Variants in TGFBR3 observed in about 807,000 individuals in gnomAD.
TGFBR3 encodes the protein transforming growth factor beta receptor 3, also known as transforming growth factor beta receptor type 3.
Under a neutral mutation model 87.9 loss-of-function variants are expected in TGFBR3, and 46 were observed. The observed-to-expected ratio is 0.52, with a 90% CI of 0.41 to 0.67. The LOEUF (loss-of-function observed/expected upper bound fraction) is 0.67. Among genes scored for constraint, TGFBR3 ranks in the 30% least tolerant of loss-of-function variants. The probability of loss-of-function intolerance (pLI) is 0.00; values close to 1 mark genes in which losing one functional copy is unlikely to be tolerated. For synonymous variants in TGFBR3, 381 were observed against 391.6 expected (o/e 0.97, Z 0.32); for missense variants, 866 against 1,041.9 (o/e 0.83, Z 2.32).
chr1:91,817,370 A>G (rs1676271276), intron 2 of TGFBR3, among the ~76,000 whole-genome samples: 1 of 152,236 alleles, frequency 6.6e-6, no homozygotes, highest in African/African-American at 2.4e-5. Flanking sequence ...CCCTCTTCAC[A>G]CCAAGATCAG....
intron 3 of TGFBR3, among the ~76,000 whole-genome samples, chr1:91,763,533 C>G (rs1185616935): frequency 1.3e-5 from 2 of 152,204 alleles, no homozygotes; most frequent in African/African-American, 4.8e-5. Context: ...GTGCCTACAA[C>G]CAAGACCCAT....
intron 3 of TGFBR3, among the ~76,000 whole-genome samples, chr1:91,768,086 C>T (rs2100923801): frequency 6.6e-6 from 1 of 152,130 alleles, no homozygotes; most frequent in South Asian, 2.1e-4. Context: ...GTGGCGCATG[C>T]CTGTAATTCC....
chr1:91,719,524 T>C (rs1672287793), intron 9 of TGFBR3, 60 bp from the exon 10 acceptor site: 1 of 1,600,308 alleles, frequency 6.2e-7, no homozygotes, highest in Non-Finnish European at 8.6e-7. Context: ...GTTGTATAAT[T>C]GACACAATTG....
At position 91,898,459 on chromosome 1, in the gene TGFBR3, T is replaced by C. The variant is rs994768914; in HGVS notation, c.-114+1178A>G. 3.3e-5 allele frequency among the ~76,000 whole-genome samples: 5 copies of C among 151,908 alleles called. No individual in the cohort carries two copies. The East Asian group carries it at 5.8e-4, about 18-fold the overall frequency. ...TTTGGTTTTTCTGTTTTTTTTGAGA[T>C]GGAGTCTCGCTCTGTCACCGAGGCT... On this transcript the variant is annotated intron_variant, in intron 2 of 17. Coordinates refer to the TGFBR3 transcript ENST00000370399.
intron 2 of TGFBR3, among the ~76,000 whole-genome samples, chr1:91,813,105 CTT>C (rs1676084294): frequency 6.6e-6 from 1 of 152,152 alleles, no homozygotes; most frequent in Non-Finnish European, 1.5e-5. Flanking sequence ...CCTATATGGA[CTT>C]TTGATGGCTA....
intron 2 of TGFBR3, chr1:91,829,745 G>GT (rs376004929): frequency 2.2e-3 from 337 of 151,586 alleles, no homozygotes; most frequent in Non-Finnish European, 3.4e-3. Flanking sequence ...CAGACAAGGG[G>GT]TTTTTTTTTG....
At chr1:91,817,818 C>T (rs905273937) in intron 2 of TGFBR3, among the ~76,000 whole-genome samples, 2 of 150,136 alleles carry the variant, frequency 1.3e-5, no homozygotes, top group Non-Finnish European at 2.9e-5. Flanking sequence ...GGCAAATAAA[C>T]CAAGAACTGG....
At position 91,734,966 on chromosome 1, in the gene TGFBR3, G is replaced by C. The variant is rs1571455907; in HGVS notation, c.385-7C>G. ...CCACAGAACCCTCAGACACCTAGAG[G>C]AAAGAGAATTGCGTATTTAACATGG... On this transcript the variant is annotated splice_region_variant and splice_polypyrimidine_tract_variant and intron_variant, in intron 4 of 16. Transcript: ENST00000212355. 1.2e-6 allele frequency: 2 copies of C among 1,613,988 alleles called. No homozygotes were observed. Among genetic ancestry groups the C allele is most frequent in the Non-Finnish European group, 8.5e-7 (1 of 1,179,896 alleles).
intron 16 of TGFBR3, among the ~76,000 whole-genome samples, chr1:91,685,340 T>G (rs34103893): frequency 7.2e-6 from 1 of 138,892 alleles, no homozygotes; most frequent in Admixed American, 7.2e-5. Flanking sequence ...TTTTTTTTTG[T>G]GAGACGGAGT....
intron 3 of TGFBR3, among the ~76,000 whole-genome samples, chr1:91,796,786 G>A (rs1675398112): frequency 6.6e-6 from 1 of 152,028 alleles, no homozygotes. Flanking sequence ...TGGCAATCAC[G>A]GCTCACTCCA....
chr1:91,752,321 T>C (rs1017806206), intron 4 of TGFBR3, among the ~76,000 whole-genome samples: 3 of 152,226 alleles, frequency 2.0e-5, no homozygotes, highest in Non-Finnish European at 2.9e-5. Flanking sequence ...TATTTTTATA[T>C]GCCAGCTCCA....
chr1:91,822,624 C>T (rs2450929), intron 2 of TGFBR3, among the ~76,000 whole-genome samples: 151,277 of 152,240 alleles, frequency 0.99, 75,163 homozygotes, highest in Middle Eastern at 1. Context: ...GGCCATAAAC[C>T]CCCTTACAAA....
chr1:91,851,755 C>T (rs2799524), intron 2 of TGFBR3, among the ~76,000 whole-genome samples: 22,058 of 152,166 alleles, frequency 0.14, 2,143 homozygotes, highest in East Asian at 0.39. Flanking sequence ...CCTAAAATAA[C>T]CCAAATCAAT....
Position 91,846,849 on chromosome 1 carries a change from G to C in TGFBR3, c.61+14622C>G, listed in dbSNP as rs527455676. Among the ~76,000 whole-genome samples, 58 of 152,142 alleles carry C rather than the reference G, an allele frequency of 3.8e-4. 1 individual carries two copies. Among genetic ancestry groups the C allele is most frequent in the African/African-American group, 1.4e-3 (57 of 41,484 alleles). On this transcript the variant is annotated intron_variant, in intron 2 of 16. Coordinates refer to ENST00000212355, the MANE Select transcript of TGFBR3 (RefSeq NM_003243.5). ...AAATCTATTTTTTTCACTATCTAAT[G>C]TCACACAGAATTCCAGACTGCTCCA...
chr1:91,802,357 TTTTTTC>T (rs1220379664), intron 2 of TGFBR3, among the ~76,000 whole-genome samples: 3 of 151,994 alleles, frequency 2.0e-5, no homozygotes, highest in Admixed American at 2.0e-4. Context: ...ATTTCTCCTT[TTTTTTC>T]TTTTTCTTTT....
chr1:91,791,284 T>C lies in TGFBR3; in HGVS notation c.246+6003A>G, dbSNP rs144946085. The stretch of plus-strand genomic sequence containing the variant: ...AAGGCCTGGGGGTGGGGGGAATGTT[T>C]AACTATGAAAACAGACAAGAACATA... On this transcript the variant is annotated intron_variant, in intron 3 of 16. Coordinates refer to ENST00000212355, the MANE Select transcript of TGFBR3 (RefSeq NM_003243.5). Among the ~76,000 whole-genome samples the C allele has an allele frequency of 3.3e-5, 5 of 152,260 alleles. No homozygotes were observed. The East Asian group carries it at 9.7e-4, about 29-fold the overall frequency.
At chr1:91,782,909 G>A (rs1674826706) in intron 3 of TGFBR3, among the ~76,000 whole-genome samples, 1 of 152,188 alleles carries the variant, frequency 6.6e-6, no homozygotes. Flanking sequence ...ACGTAAACGG[G>A]TCCACAGGCA....
rs369006664 is a variant in TGFBR3 at position 91,721,953 on chromosome 1, A to G, written c.1075+2T>C. The G allele has an allele frequency of 1.4e-5, 22 of 1,612,486 alleles. No homozygotes were observed. The highest frequency in any genetic ancestry group is 1.9e-5 in the Non-Finnish European group (22 of 1,179,250). The stretch of plus-strand genomic sequence containing the variant: ...ACATAACTTAAAAAACTTCTAACTT[A>G]CCATTATTTTCAAGCCGAAGATGAA... On this transcript the variant is annotated splice_donor_variant, in intron 8 of 16. Coordinates refer to ENST00000212355, the MANE Select transcript of TGFBR3 (RefSeq NM_003243.5). LOFTEE classifies it high-confidence loss of function.
chr1:91,782,935 G>C (rs1674827777), intron 3 of TGFBR3, among the ~76,000 whole-genome samples: 1 of 152,214 alleles, frequency 6.6e-6, no homozygotes, highest in African/African-American at 2.4e-5. Context: ...TCCCTAACCT[G>C]TGGCAAGCCC....
Sources: allele counts gnomAD v4.1 joint callset (sites outside exome capture counted in the v4.1 genomes callset), GRCh38; gene constraint gnomAD v4.1.1; transcripts MANE v1.5; gene names NCBI Gene and HGNC (gene_info 2026-07-23, HGNC 2026-07-21).